The following EXOC6B variants were observed in gnomAD, a reference collection of about 807,000 sequenced individuals.
EXOC6B encodes SEC15 homolog B.
A neutral mutation model predicts 113.5 loss-of-function variants in EXOC6B; 54 were observed. The ratio of observed to expected loss-of-function variants is 0.48; its 90% confidence interval spans 0.38 to 0.60. EXOC6B has a LOEUF of 0.60. EXOC6B is among the 20% of genes least tolerant of loss of function. The pLI, the probability that EXOC6B is intolerant of heterozygous loss-of-function variation, is 0.00. For missense variants in EXOC6B, 797 were observed against 977.5 expected, an observed-to-expected ratio of 0.82 and a Z score of 2.46; for synonymous variants, 357 against 339.0, an observed-to-expected ratio of 1.05 and a Z score of -0.58.
chr2:72,548,912 A>T (rs868102229), intron 8 of EXOC6B, among the ~76,000 whole-genome samples: 1 of 152,078 alleles, frequency 6.6e-6, no homozygotes, highest in Non-Finnish European at 1.5e-5. Flanking sequence ...TGACACAAGT[A>T]AAAAATAAAT....
chr2:72,794,171 G>A (rs1165985400), intron 1 of EXOC6B, among the ~76,000 whole-genome samples: 2 of 152,172 alleles, frequency 1.3e-5, no homozygotes, highest in Non-Finnish European at 2.9e-5. Flanking sequence ...GCTCAATTTT[G>A]ATCAAACACA....
At chr2:72,812,676 G>C (rs1043566377) in intron 1 of EXOC6B, among the ~76,000 whole-genome samples, 2 of 143,046 alleles carry the variant, frequency 1.4e-5, no homozygotes, top group Non-Finnish European at 3.1e-5. Flanking sequence ...GGTGACTGGG[G>C]GAGACCCCCA....
intron 8 of EXOC6B, among the ~76,000 whole-genome samples, chr2:72,518,666 G>C (rs1701339998): frequency 6.6e-6 from 1 of 152,068 alleles, no homozygotes; most frequent in Admixed American, 6.6e-5. Context: ...TGGAAAAAAA[G>C]GCATCACATA....
At chr2:72,770,253 T>G (rs1388865630) in intron 1 of EXOC6B, among the ~76,000 whole-genome samples, 1 of 151,992 alleles carries the variant, frequency 6.6e-6, no homozygotes, top group Admixed American at 6.6e-5. Context: ...ATAAAAATTA[T>G]ACAACTAAGA....
At chr2:72,587,980 A>C (rs796176705) in intron 6 of EXOC6B, among the ~76,000 whole-genome samples, 2 of 152,308 alleles carry the variant, frequency 1.3e-5, no homozygotes, top group African/African-American at 4.8e-5. Flanking sequence ...AACCACAAGG[A>C]GATATCCTCA....
At chr2:72,672,835 A>G (rs1402935025) in intron 6 of EXOC6B, among the ~76,000 whole-genome samples, 1 of 152,164 alleles carries the variant, frequency 6.6e-6, no homozygotes, top group African/African-American at 2.4e-5. Flanking sequence ...AGAGAGTACT[A>G]ATTGATACAA....
intron 20 of EXOC6B, among the ~76,000 whole-genome samples, chr2:72,254,444 A>G (rs938856167): frequency 1.2e-4 from 19 of 152,206 alleles, no homozygotes; most frequent in African/African-American, 4.3e-4. Context: ...GGCTCTGCCA[A>G]TGCCTTGATT....
chr2:72,493,721 T>C (rs1200744994), intron 15 of EXOC6B, among the ~76,000 whole-genome samples: 1 of 152,106 alleles, frequency 6.6e-6, no homozygotes, highest in Non-Finnish European at 1.5e-5. Flanking sequence ...AATCTTTCTT[T>C]CAAAAAGAAA....
intron 1 of EXOC6B, among the ~76,000 whole-genome samples, chr2:72,779,136 G>A (rs1683883281): frequency 6.6e-6 from 1 of 151,962 alleles, no homozygotes; most frequent in South Asian, 2.1e-4. Flanking sequence ...GATACAGGGT[G>A]ACAGTATTAC....
chr2:72,795,501 G>A lies in EXOC6B; in HGVS notation c.113+30297C>T, dbSNP rs565443453. ...TGAGGCAGGAGAATGGCGTGAACCC[G>A]GGAGGCAGAGTTTGCAGTGAGCCGA... On this transcript the variant is annotated intron_variant, in intron 1 of 21. Coordinates refer to ENST00000272427, the MANE Select transcript of EXOC6B (RefSeq NM_015189.3). Among the ~76,000 whole-genome samples, 19 of 152,100 alleles carry A rather than the reference G, an allele frequency of 1.2e-4. No individual in the cohort carries two copies. The Middle Eastern group carries it at 0.01, about 82-fold the overall frequency.
chr2:72,528,374 C>G (rs915762130), intron 8 of EXOC6B, among the ~76,000 whole-genome samples: 1 of 151,972 alleles, frequency 6.6e-6, no homozygotes, highest in Admixed American at 6.6e-5. Flanking sequence ...TTCCTGGGTT[C>G]TCTATTCTGT....
Position 72,379,883 on chromosome 2 carries a change from A to G in EXOC6B, c.1981-13T>C, listed in dbSNP as rs1479125307. On this transcript the variant is annotated splice_polypyrimidine_tract_variant and intron_variant, in intron 18 of 21. Transcript: ENST00000272427. ...GGGCCACCTTTCCCTGAAACACAAG[A>G]GTGTAAATCATAAAGTTAATGCATC... 22 of 1,585,338 alleles carry G rather than the reference A, an allele frequency of 1.4e-5. No homozygotes were observed. The highest frequency in any genetic ancestry group is 8.9e-5 in the Admixed American group (5 of 56,052).
chr2:72,574,880 C>T (rs1256378116), intron 7 of EXOC6B, among the ~76,000 whole-genome samples: 1 of 152,060 alleles, frequency 6.6e-6, no homozygotes, highest in East Asian at 1.9e-4. Flanking sequence ...CTTCTAACAA[C>T]AAAGAAAGAT....
intron 19 of EXOC6B, among the ~76,000 whole-genome samples, chr2:72,372,338 C>G (rs548489017): frequency 1.3e-5 from 2 of 152,174 alleles, no homozygotes; most frequent in African/African-American, 4.8e-5. Context: ...TATATGGAAA[C>G]ACAAAAGACC....
chr2:72,317,979 T>A (rs1687621927), intron 20 of EXOC6B, among the ~76,000 whole-genome samples: 1 of 152,164 alleles, frequency 6.6e-6, no homozygotes, highest in African/African-American at 2.4e-5. Flanking sequence ...ATCCTTAGAT[T>A]AGGTTTTTAG....
intron 20 of EXOC6B, among the ~76,000 whole-genome samples, chr2:72,235,703 C>T (rs1681917956): frequency 6.6e-6 from 1 of 152,134 alleles, no homozygotes; most frequent in South Asian, 2.1e-4. Flanking sequence ...TTCTCAGCCA[C>T]AGCCCTTTGA....
intron 20 of EXOC6B, among the ~76,000 whole-genome samples, chr2:72,249,473 G>C (rs1682873676): frequency 6.6e-6 from 1 of 151,596 alleles, no homozygotes; most frequent in Non-Finnish European, 1.5e-5. Context: ...GCCAGGATGA[G>C]ACCTTGTCTC....
intron 18 of EXOC6B, among the ~76,000 whole-genome samples, chr2:72,397,623 A>AAAAAAAAAT (rs1558625540): frequency 5.2e-5 from 7 of 134,058 alleles, no homozygotes; most frequent in African/African-American, 2.6e-4. Context: ...ATCTCAAAAA[A>AAAAAAAAAT]AAAAAATAAA....
intron 6 of EXOC6B, among the ~76,000 whole-genome samples, chr2:72,578,075 T>A (rs1436937683): frequency 1.3e-5 from 2 of 152,208 alleles, no homozygotes; most frequent in East Asian, 3.9e-4. Context: ...ATCTCTCAAA[T>A]CACTCTTTCT....
Sources: gnomAD v4.1 joint callset for allele counts (sites outside exome capture counted in the v4.1 genomes callset) on GRCh38, gnomAD v4.1.1 for gene constraint, MANE v1.5 for transcripts, NCBI Gene and HGNC (gene_info 2026-07-23, HGNC 2026-07-21) for gene names.